KHDRBS2: variants seen among roughly 807,000 people sequenced by gnomAD.
The protein encoded by KHDRBS2 is KH domain-containing, RNA-binding, signal transduction-associated protein 2.
In KHDRBS2, 26 loss-of-function variants were observed where a neutral mutation model predicts 44.3. The observed-to-expected ratio is 0.59, with a 90% confidence interval of 0.43 to 0.81. The LOEUF (loss-of-function observed/expected upper bound fraction) is 0.81. Ranked by LOEUF, KHDRBS2 falls within the 40% of genes least tolerant of loss-of-function variation. The probability of loss-of-function intolerance (pLI) is 0.00; values close to 1 mark genes in which losing one functional copy is unlikely to be tolerated. For missense variants in KHDRBS2, 476 were observed against 433.1 expected (o/e 1.10, Z -0.88); for synonymous variants, 194 against 151.1 (o/e 1.28, Z -2.08).
At chr6:61,951,712 T>C (rs992254586) in intron 4 of KHDRBS2, among the ~76,000 whole-genome samples, 1 of 152,120 alleles carries the variant, frequency 6.6e-6, no homozygotes, top group African/African-American at 2.4e-5. Context: ...CAGGAGCCAC[T>C]GATCTTGGGT....
At chr6:61,921,065 G>A (rs1475316048) in intron 4 of KHDRBS2, among the ~76,000 whole-genome samples, 1 of 151,826 alleles carries the variant, frequency 6.6e-6, no homozygotes, top group Non-Finnish European at 1.5e-5. Flanking sequence ...AAATGCTCAA[G>A]AAAAAACTTT....
At chr6:61,812,340 T>A (rs1448588698) in intron 6 of KHDRBS2, among the ~76,000 whole-genome samples, 1 of 152,094 alleles carries the variant, frequency 6.6e-6, no homozygotes, top group Non-Finnish European at 1.5e-5. Flanking sequence ...TGAAGAGTGC[T>A]TGTCACATGG....
the KHDRBS2 span, among the ~76,000 whole-genome samples, chr6:61,634,611 T>A: frequency 1.3e-5 from 2 of 152,044 alleles, no homozygotes; most frequent in Non-Finnish European, 1.5e-5. Flanking sequence ...ATTCTCCCCA[T>A]GATTTTTGAT....
At chr6:61,575,384 C>T in the KHDRBS2 span, among the ~76,000 whole-genome samples, 1 of 151,990 alleles carries the variant, frequency 6.6e-6, no homozygotes, top group South Asian at 2.1e-4. Flanking sequence ...CTCTAATTAT[C>T]AGGGAAATGC....
intron 4 of KHDRBS2, among the ~76,000 whole-genome samples, chr6:61,947,503 T>C (rs1813609344): frequency 6.6e-6 from 1 of 151,942 alleles, no homozygotes; most frequent in African/African-American, 2.4e-5. Flanking sequence ...AGTTGTTTAG[T>C]GAAGAGGAGA....
chr6:61,606,181 T>C, the KHDRBS2 span, among the ~76,000 whole-genome samples: 1 of 152,160 alleles, frequency 6.6e-6, no homozygotes, highest in South Asian at 2.1e-4. Context: ...TGAGTCTCTT[T>C]TCGGACTCAG....
chr6:62,121,763 G>T (rs1275195679), intron 2 of KHDRBS2, among the ~76,000 whole-genome samples: 1 of 152,140 alleles, frequency 6.6e-6, no homozygotes, highest in East Asian at 1.9e-4. Context: ...ATGCTGATTG[G>T]ATCTAGTGAG....
the KHDRBS2 span, among the ~76,000 whole-genome samples, chr6:61,622,887 C>T: frequency 1.3e-5 from 2 of 151,976 alleles, no homozygotes; most frequent in East Asian, 3.9e-4. Flanking sequence ...TAAGTGTTCA[C>T]AGAACTGGCT....
intron 6 of KHDRBS2, among the ~76,000 whole-genome samples, chr6:61,855,348 C>A (rs1795995702): frequency 1.3e-5 from 2 of 151,890 alleles, no homozygotes; most frequent in African/African-American, 2.4e-5. Context: ...GTTCAAATCC[C>A]AGCTCTGACC....
chr6:61,830,885 T>C (rs957506653), intron 6 of KHDRBS2, among the ~76,000 whole-genome samples: 2 of 152,186 alleles, frequency 1.3e-5, no homozygotes, highest in African/African-American at 4.8e-5. Flanking sequence ...CATTTTATTC[T>C]GCAAAATGTA....
chr6:61,672,998 T>A, the KHDRBS2 span, among the ~76,000 whole-genome samples: 4 of 151,822 alleles, frequency 2.6e-5, no homozygotes, highest in African/African-American at 9.7e-5. Flanking sequence ...TTTAAGTCTT[T>A]AATCCATCTT....
chr6:61,874,101 T>A lies in KHDRBS2; in HGVS notation c.810+20534A>T, dbSNP rs144183344. 8.2e-3 allele frequency among the ~76,000 whole-genome samples: 1,253 copies of A among 152,240 alleles called. 16 individuals carry two copies. The highest frequency in any genetic ancestry group is 0.05 in the South Asian group (240 of 4,818). Reference sequence around the variant, plus strand: ...TTTAGCTAATGGGATTAATATATTTTTATTGTTTGATAATTGCCTTTGATT... The same window carrying A: ...TTTAGCTAATGGGATTAATATATTTATATTGTTTGATAATTGCCTTTGATT... On this transcript the variant is annotated intron_variant, in intron 6 of 8. Transcript: ENST00000281156.
At chr6:61,570,618 A>T in the KHDRBS2 span, among the ~76,000 whole-genome samples, 7 of 152,168 alleles carry the variant, frequency 4.6e-5, no homozygotes, top group Non-Finnish European at 8.8e-5. Context: ...GCACATAGTC[A>T]TCAAGTTATC....
At chr6:61,863,304 A>T in intron 6 of KHDRBS2, among the ~76,000 whole-genome samples, 1 of 128,792 alleles carries the variant, frequency 7.8e-6, no homozygotes, top group African/African-American at 2.9e-5. Flanking sequence ...TTCAGCTCTG[A>T]TCTTGGTTAT....
chr6:61,723,421 G>A (rs899101187), intron 7 of KHDRBS2, among the ~76,000 whole-genome samples: 3 of 152,084 alleles, frequency 2.0e-5, no homozygotes, highest in African/African-American at 4.8e-5. Flanking sequence ...CAGAAGGTAC[G>A]TAATAACAAA....
At chr6:61,766,465 T>C in intron 6 of KHDRBS2, among the ~76,000 whole-genome samples, 1 of 152,048 alleles carries the variant, frequency 6.6e-6, no homozygotes, top group East Asian at 1.9e-4. Flanking sequence ...TAAATTTCAT[T>C]TATTTCTCCT....
At chr6:62,004,328 C>G (rs1247443947) in intron 3 of KHDRBS2, among the ~76,000 whole-genome samples, 1 of 152,060 alleles carries the variant, frequency 6.6e-6, no homozygotes, top group East Asian at 1.9e-4. Context: ...GATATCACCA[C>G]CCATCCCACA....
At chr6:61,685,781 G>A (rs1233297242) in intron 8 of KHDRBS2, among the ~76,000 whole-genome samples, 1 of 151,734 alleles carries the variant, frequency 6.6e-6, no homozygotes, top group East Asian at 1.9e-4. Context: ...ATTTGTCAAT[G>A]TGTTCTTATT....
intron 6 of KHDRBS2, among the ~76,000 whole-genome samples, chr6:61,867,771 T>C (rs950492700): frequency 1.3e-5 from 2 of 152,174 alleles, no homozygotes; most frequent in African/African-American, 2.4e-5. Context: ...CTTGGAGGTA[T>C]CACTGGTGAA....
Sources: allele counts gnomAD v4.1 joint callset (sites outside exome capture counted in the v4.1 genomes callset), GRCh38; gene constraint gnomAD v4.1.1; transcripts MANE v1.5; gene names NCBI Gene and HGNC (gene_info 2026-07-23, HGNC 2026-07-21).